The following NAV3 variants were observed in gnomAD, a reference collection of about 807,000 sequenced individuals.
The protein encoded by NAV3 is pore membrane and/or filament interacting like protein 1.
A neutral mutation model predicts 244.7 loss-of-function variants in NAV3; 87 were observed. That is an observed-to-expected ratio of 0.36 (90% CI 0.30 to 0.42). The LOEUF (loss-of-function observed/expected upper bound fraction) is 0.42. Among genes scored for constraint, NAV3 ranks in the 20% least tolerant of loss-of-function variants. The pLI is 1.00. For missense variants in NAV3, 2,663 were observed against 2,893.3 expected, an observed-to-expected ratio of 0.92 and a Z score of 1.83; for synonymous variants, 1,126 against 1,042.2, an observed-to-expected ratio of 1.08 and a Z score of -1.55.
At chr12:77,653,659 T>C (rs1247490765) in intron 2 of NAV3, among the ~76,000 whole-genome samples, 10 of 152,172 alleles carry the variant, frequency 6.6e-5, no homozygotes, top group Non-Finnish European at 1.3e-4. Flanking sequence ...CTTCTTGAAA[T>C]GGGATGTTGC....
At chr12:77,717,076 G>A (rs1876395715) in intron 2 of NAV3, among the ~76,000 whole-genome samples, 1 of 151,966 alleles carries the variant, frequency 6.6e-6, no homozygotes. Context: ...GGTGTATGTG[G>A]AGAATTATCG....
chr12:77,841,617 C>T (rs1875662525), intron 1 of NAV3, among the ~76,000 whole-genome samples: 1 of 152,202 alleles, frequency 6.6e-6, no homozygotes, highest in Non-Finnish European at 1.5e-5. Flanking sequence ...CTTGTTGGAA[C>T]ACAGCCCTGA....
At chr12:77,812,636 A>G (rs995850483) in intron 2 of NAV3, among the ~76,000 whole-genome samples, 1 of 151,972 alleles carries the variant, frequency 6.6e-6, no homozygotes, top group African/African-American at 2.4e-5. Context: ...GCTGGTCTCG[A>G]ACTCCTGACC....
intron 2 of NAV3, among the ~76,000 whole-genome samples, chr12:77,768,942 C>T (rs1869930971): frequency 6.6e-6 from 1 of 152,242 alleles, no homozygotes; most frequent in Non-Finnish European, 1.5e-5. Context: ...TAATTTTACT[C>T]ATCAACATTG....
At chr12:77,916,444 A>G (rs541930778) in intron 1 of NAV3, among the ~76,000 whole-genome samples, 2 of 152,132 alleles carry the variant, frequency 1.3e-5, no homozygotes, top group African/African-American at 4.8e-5. Flanking sequence ...GATTAATCCT[A>G]TCAAGAGAAG....
At chr12:77,881,531 G>A (rs886885077) in intron 1 of NAV3, among the ~76,000 whole-genome samples, 25 of 152,220 alleles carry the variant, frequency 1.6e-4, no homozygotes, top group African/African-American at 6.0e-4. Context: ...AGACAAGGAT[G>A]CCCACTCTCA....
chr12:77,875,306 T>C (rs1881686686), intron 1 of NAV3, among the ~76,000 whole-genome samples: 1 of 152,096 alleles, frequency 6.6e-6, no homozygotes, highest in South Asian at 2.1e-4. Context: ...GGGTCATCCC[T>C]GTATATTATA....
chr12:77,572,407 G>A (rs1159314789), intron 2 of NAV3: 1 of 152,254 alleles, frequency 6.6e-6, no homozygotes, highest in Non-Finnish European at 1.5e-5. Flanking sequence ...ATGTGTTTCT[G>A]TGGGTCTGGA....
chr12:78,179,369 C>A (rs982910370), intron 28 of NAV3, 160 bp from the exon 29 acceptor site: 5 of 685,984 alleles, frequency 7.3e-6, no homozygotes, highest in African/African-American at 5.5e-5. Flanking sequence ...GAATGCATAA[C>A]CGTTTGTAAA....
intron 2 of NAV3, among the ~76,000 whole-genome samples, chr12:77,599,741 T>C (rs80219189): frequency 0.015 from 2,231 of 152,056 alleles, 50 homozygotes; most frequent in African/African-American, 0.05. Flanking sequence ...TCTTATTTTT[T>C]AAAAATGCAT....
At chr12:77,795,117 A>G (rs1228511544) in intron 2 of NAV3, among the ~76,000 whole-genome samples, 1 of 152,248 alleles carries the variant, frequency 6.6e-6, no homozygotes, top group Non-Finnish European at 1.5e-5. Flanking sequence ...TTAATGAGCC[A>G]GTTAGCCAAG....
chr12:78,100,057 T>G (rs1157105017), intron 12 of NAV3, among the ~76,000 whole-genome samples: 1 of 151,902 alleles, frequency 6.6e-6, no homozygotes, highest in East Asian at 1.9e-4. Context: ...GTGTATAAAG[T>G]TTATTGGTTG....
At chr12:77,572,678 C>A (rs1485777109) in intron 2 of NAV3, among the ~76,000 whole-genome samples, 5 of 152,130 alleles carry the variant, frequency 3.3e-5, no homozygotes, top group African/African-American at 1.2e-4. Flanking sequence ...ATTTTAAATT[C>A]TCTAATTTCA....
chr12:78,069,123 G>C (rs1952625394), intron 12 of NAV3, among the ~76,000 whole-genome samples: 1 of 151,840 alleles, frequency 6.6e-6, no homozygotes, highest in Non-Finnish European at 1.5e-5. Context: ...ATTTATTAGA[G>C]GCATATGGGT....
At chr12:78,189,298 T>A (rs144263984) in intron 33 of NAV3, among the ~76,000 whole-genome samples, 22 of 152,018 alleles carry the variant, frequency 1.4e-4, no homozygotes, top group African/African-American at 5.3e-4. Flanking sequence ...TCACAATTCC[T>A]TGTTTATTTA....
chr12:77,741,148 C>CAAAAAAAAAAAAAAAAAA, intron 2 of NAV3, among the ~76,000 whole-genome samples: 427 of 68,558 alleles, frequency 6.2e-3, no homozygotes, highest in Non-Finnish European at 6.6e-3. Context: ...AAAAAAAAGA[C>CAAAAAAAAAAAAAAAAAA]AAAAAAAAAA....
intron 2 of NAV3, among the ~76,000 whole-genome samples, chr12:77,595,771 T>C (rs1870140589): frequency 1.3e-5 from 2 of 152,142 alleles, no homozygotes; most frequent in African/African-American, 4.8e-5. Context: ...TTATACTTAT[T>C]TTGCCACAGT....
chr12:77,928,487 AC>A (rs1254444199), intron 1 of NAV3, among the ~76,000 whole-genome samples: 1 of 150,336 alleles, frequency 6.7e-6, no homozygotes, highest in Non-Finnish European at 1.5e-5. Context: ...CCTGTTCCCG[AC>A]CCCCTCCCTC....
In NAV3 at chr12:78,175,455, G is replaced by T. The variant is rs374490020; in HGVS notation, c.5103+28G>T. The stretch of plus-strand genomic sequence containing the variant: ...AAGTTACCATCCTTCATCTAATTCA[G>T]AAGCTTATTAATGCATAATGTGTTA... On this transcript the variant is annotated intron_variant, in intron 25 of 39. Transcript: ENST00000397909. The T allele has an allele frequency of 1.7e-5, 28 of 1,601,988 alleles. No individual in the cohort carries two copies. The African/African-American group carries it at 3.3e-4, about 19-fold the overall frequency.
Sources: allele counts gnomAD v4.1 joint callset (sites outside exome capture counted in the v4.1 genomes callset), GRCh38; gene constraint gnomAD v4.1.1; transcripts MANE v1.5; gene names NCBI Gene and HGNC (gene_info 2026-07-23, HGNC 2026-07-21).